Variants in IFT88 observed in about 807,000 individuals in gnomAD.
The protein encoded by IFT88 is intraflagellar transport 88, also known as intraflagellar transport protein 88 homolog.
In IFT88, 74 loss-of-function variants were observed where a neutral mutation model predicts 119.5. That is an observed-to-expected ratio of 0.62 (90% CI 0.51 to 0.75). The LOEUF (loss-of-function observed/expected upper bound fraction) is 0.75, where lower values mean the gene tolerates loss of function less well. IFT88 is among the 30% of genes least tolerant of loss of function. IFT88 has a pLI of 0.00. For synonymous variants in IFT88, 279 were observed against 316.7 expected, an observed-to-expected ratio of 0.88 and a Z score of 1.26; for missense variants, 961 against 977.7, an observed-to-expected ratio of 0.98 and a Z score of 0.23.
Position 20,617,862 on chromosome 13 carries a change from C to T in IFT88, c.1199+1983C>T, listed in dbSNP as rs180852701. On this transcript the variant is annotated intron_variant, in intron 14 of 25. Transcript: ENST00000351808. ...AGGCTGGAGCGCAGTAGTGTGATCT[C>T]GGCTCACTGCAATCTCCACTTCCTG... Among the ~76,000 whole-genome samples, 327 of 151,360 alleles carry T rather than the reference C, an allele frequency of 2.2e-3. 1 individual carries two copies. Among genetic ancestry groups the T allele is most frequent in the African/African-American group, 7.1e-3 (291 of 41,202 alleles).
chr13:20,635,613 A>G (rs770910739), intron 16 of IFT88, among the ~76,000 whole-genome samples: 8 of 152,094 alleles, frequency 5.3e-5, no homozygotes, highest in Non-Finnish European at 1.0e-4. Flanking sequence ...GAAATAGCCT[A>G]TGTTTCAGGA....
At chr13:20,668,756 C>T (rs942330233) in intron 23 of IFT88, among the ~76,000 whole-genome samples, 1 of 152,142 alleles carries the variant, frequency 6.6e-6, no homozygotes, top group African/African-American at 2.4e-5. Context: ...GAGGAAATAG[C>T]TGAAAAGATG....
chr13:20,659,180 A>G (rs1398190012), intron 22 of IFT88, among the ~76,000 whole-genome samples: 5 of 152,192 alleles, frequency 3.3e-5, no homozygotes, highest in African/African-American at 9.7e-5. Flanking sequence ...TCCACCAAAA[A>G]TAATGATTTT....
At chr13:20,666,650 C>T (rs1341092227) in intron 23 of IFT88, among the ~76,000 whole-genome samples, 1 of 152,148 alleles carries the variant, frequency 6.6e-6, no homozygotes, top group Non-Finnish European at 1.5e-5. Flanking sequence ...CTACTTTGCT[C>T]CTCTATTCTG....
In IFT88 at chr13:20,598,769, C is replaced by G; in HGVS notation, c.697+16C>G. ...AGCAATGCAGGTAAGTGTACATAAT[C>G]AGTTTTTCCAATAGATGTAATTCTT... On this transcript the variant is annotated intron_variant, in intron 10 of 25. Transcript: ENST00000351808. 1 of 1,420,844 alleles carries G rather than the reference C, an allele frequency of 7.0e-7. No individual in the cohort carries two copies. The highest frequency in any genetic ancestry group is 1.2e-5 in the South Asian group (1 of 85,898). 88.0% of individuals were successfully genotyped at this position (1,420,844 alleles called of 1,614,324 possible).
At chr13:20,678,815 T>C (rs1348129233) in intron 24 of IFT88, among the ~76,000 whole-genome samples, 5 of 152,208 alleles carry the variant, frequency 3.3e-5, no homozygotes, top group Non-Finnish European at 7.4e-5. Flanking sequence ...GGCAGCTTTG[T>C]CACGGTGGGC....
chr13:20,620,505 G>A (rs2046299565), intron 14 of IFT88, among the ~76,000 whole-genome samples: 1 of 152,168 alleles, frequency 6.6e-6, no homozygotes, highest in South Asian at 2.1e-4. Context: ...TAACCCCCAA[G>A]GTGGTAGTAT....
intron 3 of IFT88, among the ~76,000 whole-genome samples, chr13:20,584,789 A>G (rs117847714): frequency 1.1e-4 from 16 of 152,216 alleles, no homozygotes; most frequent in Non-Finnish European, 1.6e-4. Flanking sequence ...GCTTCTCCCT[A>G]CCTATCTAAT....
At chr13:20,574,259 A>C in intron 1 of IFT88, 121 bp from the exon 2 acceptor site, 3 of 476,066 alleles carry the variant, frequency 6.3e-6, no homozygotes, top group Non-Finnish European at 1.1e-5. Context: ...GATCAAGGCT[A>C]TAGTGAGCCG....
intron 16 of IFT88, among the ~76,000 whole-genome samples, chr13:20,635,712 C>T (rs149900746): frequency 1.8e-4 from 27 of 152,072 alleles, no homozygotes; most frequent in African/African-American, 6.0e-4. Flanking sequence ...CATCATACAC[C>T]GGGGCCTGTC....
intron 22 of IFT88, among the ~76,000 whole-genome samples, chr13:20,662,074 G>A (rs1260198735): frequency 6.6e-6 from 1 of 152,172 alleles, no homozygotes; most frequent in Non-Finnish European, 1.5e-5. Flanking sequence ...GTATTTGAAA[G>A]ATATTTAATA....
intron 12 of IFT88, among the ~76,000 whole-genome samples, chr13:20,604,230 ACT>A (rs1385087277): frequency 6.6e-6 from 1 of 152,106 alleles, no homozygotes; most frequent in Non-Finnish European, 1.5e-5. Flanking sequence ...ACAGAGCAAG[ACT>A]CTGTCTCAAA....
At chr13:20,652,756 C>T (rs2051992039) in intron 20 of IFT88, among the ~76,000 whole-genome samples, 1 of 151,870 alleles carries the variant, frequency 6.6e-6, no homozygotes, top group Non-Finnish European at 1.5e-5. Context: ...ATAATAATAC[C>T]ACATGGTAAA....
intron 3 of IFT88, among the ~76,000 whole-genome samples, chr13:20,589,583 C>G (rs977736402): frequency 6.6e-6 from 1 of 152,126 alleles, no homozygotes; most frequent in Non-Finnish European, 1.5e-5. Flanking sequence ...CACCTCAGAT[C>G]GTTCAAAAGT....
intron 17 of IFT88, among the ~76,000 whole-genome samples, chr13:20,638,871 T>C (rs1166546355): frequency 1.3e-5 from 2 of 152,242 alleles, no homozygotes; most frequent in Non-Finnish European, 2.9e-5. Flanking sequence ...TGCTTTCTTT[T>C]TAATTATGAA....
chr13:20,665,099 A>G lies in IFT88; in HGVS notation c.2175+1495A>G, dbSNP rs563802127. 3.3e-5 allele frequency among the ~76,000 whole-genome samples: 5 copies of G among 152,164 alleles called. No homozygotes were observed. In the South Asian group the frequency reaches 1.0e-3, roughly 32 times the overall value. On this transcript the variant is annotated intron_variant, in intron 23 of 25. Coordinates refer to ENST00000351808, the MANE Select transcript of IFT88 (RefSeq NM_006531.5). Reference sequence around the variant, plus strand: ...GTCTCAAAAAAAAAAAAAGACAAAAATGCAGAATATTTTCATTGCTAGTCT... The same window carrying G: ...GTCTCAAAAAAAAAAAAAGACAAAAGTGCAGAATATTTTCATTGCTAGTCT...
chr13:20,576,458 G>C (rs542301032), intron 2 of IFT88, among the ~76,000 whole-genome samples: 34 of 152,184 alleles, frequency 2.2e-4, no homozygotes, highest in African/African-American at 7.9e-4. Flanking sequence ...GTGTCCTGGA[G>C]AGTTTCCCTA....
chr13:20,636,759 C>T (rs532315335), intron 16 of IFT88, among the ~76,000 whole-genome samples: 1 of 152,348 alleles, frequency 6.6e-6, no homozygotes, highest in African/African-American at 2.4e-5. Context: ...GACAATGTTA[C>T]ATGTTTTAGT....
chr13:20,567,285 C>G (rs2035000046), intron 1 of IFT88, 29 bp downstream of exon 1: 1 of 152,262 alleles, frequency 6.6e-6, no homozygotes, highest in Admixed American at 6.5e-5. Context: ...GGCCTAGTGC[C>G]TCAGGGCCCC....
Sources: allele counts gnomAD v4.1 joint callset (sites outside exome capture counted in the v4.1 genomes callset), GRCh38; gene constraint gnomAD v4.1.1; transcripts MANE v1.5; gene names NCBI Gene and HGNC (gene_info 2026-07-23, HGNC 2026-07-21).